Variants in CA10 observed in about 807,000 individuals in gnomAD.
The protein encoded by CA10 is carbonic anhydrase-related protein 10.
In CA10, 14 loss-of-function variants were observed where a neutral mutation model predicts 44.2. The observed-to-expected ratio is 0.32, with a 90% CI of 0.21 to 0.50. The LOEUF is 0.50. Among genes scored for constraint, CA10 ranks in the 20% least tolerant of loss-of-function variants. The pLI is 0.99. For missense variants in CA10, 350 were observed against 409.7 expected (o/e 0.85, Z 1.26); for synonymous variants, 159 against 141.6 (o/e 1.12, Z -0.87).
At chr17:51,958,175 T>C (rs1567899751) in intron 2 of CA10, among the ~76,000 whole-genome samples, 4 of 152,130 alleles carry the variant, frequency 2.6e-5, no homozygotes. Context: ...CACGTAGCAT[T>C]AGGAATTAGA....
At chr17:52,089,194 T>A (rs2143203510) in intron 1 of CA10, among the ~76,000 whole-genome samples, 1 of 152,320 alleles carries the variant, frequency 6.6e-6, no homozygotes, top group South Asian at 2.1e-4. Flanking sequence ...TACAGAAGTG[T>A]GCAAGAAATA....
At chr17:51,848,730 G>C (rs572237970) in intron 3 of CA10, among the ~76,000 whole-genome samples, 3 of 152,112 alleles carry the variant, frequency 2.0e-5, no homozygotes, top group African/African-American at 7.2e-5. Flanking sequence ...GGAGGCAGTC[G>C]TGAGAAATCC....
intron 3 of CA10, among the ~76,000 whole-genome samples, chr17:51,754,069 C>T (rs1400912792): frequency 6.6e-6 from 1 of 151,946 alleles, no homozygotes; most frequent in East Asian, 1.9e-4. Context: ...GTCTCGAACT[C>T]CTGACCTCAG....
chr17:52,048,353 C>T (rs2144204810), intron 2 of CA10, among the ~76,000 whole-genome samples: 1 of 152,118 alleles, frequency 6.6e-6, no homozygotes. Flanking sequence ...CGATTTCTTG[C>T]ATCTGTTTAT....
chr17:52,062,827 C>G (rs1261099612), intron 2 of CA10, among the ~76,000 whole-genome samples: 3 of 152,352 alleles, frequency 2.0e-5, no homozygotes, highest in Admixed American at 1.3e-4. Context: ...GGAGCTCCTA[C>G]AGGGAGCCTC....
At chr17:52,054,277 C>G (rs1183854804) in intron 2 of CA10, among the ~76,000 whole-genome samples, 1 of 152,022 alleles carries the variant, frequency 6.6e-6, no homozygotes, top group East Asian at 1.9e-4. Context: ...CTTTTACGGT[C>G]GTACATAAGG....
At chr17:52,146,445 C>A (rs1421752394) in intron 1 of CA10, among the ~76,000 whole-genome samples, 2 of 151,976 alleles carry the variant, frequency 1.3e-5, no homozygotes, top group Non-Finnish European at 2.9e-5. Context: ...AATCCCAGCA[C>A]TTTGGGAGGC....
chr17:51,777,538 T>C (rs1905870234), intron 3 of CA10, among the ~76,000 whole-genome samples: 2 of 152,188 alleles, frequency 1.3e-5, no homozygotes, highest in Non-Finnish European at 2.9e-5. Flanking sequence ...CCCCTGTGTA[T>C]ACTGAGGGAC....
At chr17:51,663,443 C>T (rs1056662115) in intron 4 of CA10, among the ~76,000 whole-genome samples, 1 of 152,128 alleles carries the variant, frequency 6.6e-6, no homozygotes, top group Non-Finnish European at 1.5e-5. Context: ...AAGCCTATTT[C>T]TTCCCCATGC....
intron 2 of CA10, among the ~76,000 whole-genome samples, chr17:52,014,206 C>T (rs189355910): frequency 2.0e-5 from 3 of 151,208 alleles, no homozygotes; most frequent in East Asian, 1.9e-4. Context: ...GAGGAAAGCA[C>T]CAAGACAAGT....
chr17:52,066,010 G>C (rs188120401), intron 2 of CA10, among the ~76,000 whole-genome samples: 6 of 152,268 alleles, frequency 3.9e-5, no homozygotes, highest in South Asian at 4.1e-4. Flanking sequence ...AAGGTGACTT[G>C]CTTCCTCTTC....
At chr17:51,836,890 C>T (rs915793260) in intron 3 of CA10, among the ~76,000 whole-genome samples, 8 of 151,968 alleles carry the variant, frequency 5.3e-5, no homozygotes, top group African/African-American at 9.7e-5. Context: ...GCTTGTTATG[C>T]GTTTTAATTC....
At chr17:51,999,917 C>T (rs938132105) in intron 2 of CA10, among the ~76,000 whole-genome samples, 3 of 151,994 alleles carry the variant, frequency 2.0e-5, no homozygotes, top group African/African-American at 7.2e-5. Flanking sequence ...CAGCTCCTAT[C>T]AGGTCTGCTT....
At chr17:51,974,540 G>A (rs1984397046) in intron 2 of CA10, among the ~76,000 whole-genome samples, 1 of 151,734 alleles carries the variant, frequency 6.6e-6, no homozygotes, top group Non-Finnish European at 1.5e-5. Context: ...AAAGAAAAGA[G>A]CTTCAATGAT....
intron 2 of CA10, among the ~76,000 whole-genome samples, chr17:52,000,675 A>G (rs1163137911): frequency 6.6e-6 from 1 of 152,058 alleles, no homozygotes; most frequent in Non-Finnish European, 1.5e-5. Context: ...ATTCACTGAA[A>G]TAATGATAGA....
rs181452342 is a variant in CA10 at position 51,955,188 on chromosome 17, T to C, written c.137-24056A>G. Among the ~76,000 whole-genome samples, 9 of 152,294 alleles carry C rather than the reference T, an allele frequency of 5.9e-5. No homozygotes were observed. In the South Asian group the frequency reaches 1.2e-3, roughly 21 times the overall value. The stretch of plus-strand genomic sequence containing the variant: ...AAAAAGAAGAGAAAAACTGGTTTCC[T>C]ACTGCTCCTTCATCTTTCTGCATCT... On this transcript the variant is annotated intron_variant, in intron 2 of 8. Coordinates refer to ENST00000451037, the MANE Select transcript of CA10 (RefSeq NM_020178.5).
At chr17:51,744,400 T>C (rs1236837383) in intron 4 of CA10, among the ~76,000 whole-genome samples, 1 of 152,042 alleles carries the variant, frequency 6.6e-6, no homozygotes, top group Non-Finnish European at 1.5e-5. Flanking sequence ...CTCATTCGAA[T>C]GTGAGTCACC....
intron 2 of CA10, among the ~76,000 whole-genome samples, chr17:52,037,365 T>C (rs1462707575): frequency 6.6e-6 from 1 of 151,154 alleles, no homozygotes; most frequent in African/African-American, 2.4e-5. Flanking sequence ...TAAGGAGGAG[T>C]TGCAGTCAAC....
intron 4 of CA10, among the ~76,000 whole-genome samples, chr17:51,672,230 A>G (rs1403474714): frequency 6.6e-6 from 1 of 152,160 alleles, no homozygotes; most frequent in Non-Finnish European, 1.5e-5. Context: ...AAACAATACT[A>G]CTGCTGCTAC....
Sources: allele counts gnomAD v4.1 joint callset (sites outside exome capture counted in the v4.1 genomes callset), GRCh38; gene constraint gnomAD v4.1.1; transcripts MANE v1.5; gene names NCBI Gene and HGNC (gene_info 2026-07-23, HGNC 2026-07-21).